KCNK17: variants seen among roughly 807,000 people sequenced by gnomAD.
KCNK17 encodes the protein potassium channel subfamily K member 17.
KCNK17 carries 27 observed loss-of-function variants against 24.6 expected under a neutral mutation model. That is an observed-to-expected ratio of 1.10 (90% confidence interval 0.81 to 1.51). The LOEUF (loss-of-function observed/expected upper bound fraction) is 1.51, where lower values mean the gene tolerates loss of function less well. Ranked by LOEUF, KCNK17 falls within the 40% of genes most tolerant of loss-of-function variation. The pLI is 0.00. For synonymous variants in KCNK17, 181 were observed against 189.8 expected, an observed-to-expected ratio of 0.95 and a Z score of 0.38; for missense variants, 450 against 436.6, an observed-to-expected ratio of 1.03 and a Z score of -0.27.
At chr6:39,311,293 A>G (rs527880847) in intron 1 of KCNK17, among the ~76,000 whole-genome samples, 1 of 152,244 alleles carries the variant, frequency 6.6e-6, no homozygotes, top group South Asian at 2.1e-4. Flanking sequence ...GAGTCCTAGT[A>G]AACCAGCGAC....
chr6:39,308,341 A>C lies in KCNK17; in HGVS notation c.352+2552T>G, dbSNP rs140900882. Among the ~76,000 whole-genome samples, 359 of 152,354 alleles carry C rather than the reference A, an allele frequency of 2.4e-3. 4 individuals are homozygous for C. Among genetic ancestry groups the C allele is most frequent in the African/African-American group, 8.0e-3 (331 of 41,590 alleles). ...AGTCTTGCTCTATTGCCTAGGCTGA[A>C]GTGCAGTGGCACAATCTCGGCTCAC... is the stretch of plus-strand genomic sequence containing the variant. On this transcript the variant is annotated intron_variant, in intron 2 of 4. Coordinates refer to ENST00000373231, the MANE Select transcript of KCNK17 (RefSeq NM_031460.4).
At chr6:39,312,470 G>A (rs75681028) in intron 1 of KCNK17, among the ~76,000 whole-genome samples, 2,749 of 152,278 alleles carry the variant, frequency 0.018, 73 homozygotes, top group African/African-American at 0.057. Context: ...TCCACACTGA[G>A]GCAGTATTTA....
chr6:39,304,223 G>A (rs2113836081), intron 3 of KCNK17, 92 bp from the exon 4 acceptor site: 1 of 1,220,476 alleles, frequency 8.2e-7, no homozygotes, highest in Non-Finnish European at 1.1e-6. Flanking sequence ...GCTGTCCCCA[G>A]TAAGAAGGGG....
chr6:39,307,529 C>T (rs1158554612), intron 2 of KCNK17, among the ~76,000 whole-genome samples: 2 of 152,192 alleles, frequency 1.3e-5, no homozygotes, highest in African/African-American at 2.4e-5. Flanking sequence ...TTTTCTTCCC[C>T]ATTCAGTTTT....
chr6:39,311,101 C>G (rs751564881), intron 1 of KCNK17, 94 bp from the exon 2 acceptor site: 1 of 562,596 alleles, frequency 1.8e-6, no homozygotes, highest in East Asian at 3.0e-5. Context: ...CACACACACA[C>G]ACACACACAC....
chr6:39,310,484 TAA>T (rs959196788), intron 2 of KCNK17, among the ~76,000 whole-genome samples: 4 of 152,062 alleles, frequency 2.6e-5, no homozygotes, highest in Admixed American at 6.5e-5. Context: ...TCTTCCTTCC[TAA>T]CTTTCCCTCC....
Position 39,299,510 on chromosome 6 carries a change from C to G in KCNK17, c.916G>C (p.Gly306Arg). ...CCCATGGGTCCCTCTGGATAGCATC[C>G]TTGCTGTGGGGAGTGGGACTCTGGC... ...REPESHSPQQ[G>R]CYPEGPMGII... Residue 306 changes from glycine to arginine, a missense_variant, in exon 5 of 5, where the codon GGA becomes CGA. Gly to Arg is a moderately radical substitution (Grantham distance 125, BLOSUM62 -2). Coordinates refer to ENST00000373231, the MANE Select transcript of KCNK17 (RefSeq NM_031460.4). 1 of 1,614,218 alleles carries G rather than the reference C, an allele frequency of 6.2e-7. No individual in the cohort carries two copies.
chr6:39,302,177 A>C (rs1761961036), intron 4 of KCNK17, among the ~76,000 whole-genome samples: 1 of 152,180 alleles, frequency 6.6e-6, no homozygotes, highest in South Asian at 2.1e-4. Flanking sequence ...AAGTCTCCAT[A>C]GATGTGGTGA....
chr6:39,306,410 T>C (rs1173081147), intron 2 of KCNK17, among the ~76,000 whole-genome samples: 3 of 152,362 alleles, frequency 2.0e-5, no homozygotes, highest in African/African-American at 4.8e-5. Flanking sequence ...ATAGGTGCTC[T>C]TCACTACATA....
At chr6:39,313,960 G>A (rs537003742) in intron 1 of KCNK17, 124 bp downstream of exon 1, 1 of 724,128 alleles carries the variant, frequency 1.4e-6, no homozygotes, top group Non-Finnish European at 2.1e-6. Context: ...CTGCGTTCCC[G>A]ACGTTTCCCT....
chr6:39,304,021 G>A lies in KCNK17; in HGVS notation c.624C>T (p.Tyr208=). Residue 208 remains tyrosine (Y), a synonymous_variant, in exon 4 of 5, where the codon TAC becomes TAT. Coordinates refer to ENST00000373231, the MANE Select transcript of KCNK17 (RefSeq NM_031460.4). ...TGAAGGCGAAGTAGAAGCCCTCTGT[G>A]TAGCTCCAGCCCTCCATGTGGGAGA... The part of the protein sequence containing the change: ...LLFSHMEGWS[Y]TEGFYFAFIT... 1 of 1,613,958 alleles carries A rather than the reference G, an allele frequency of 6.2e-7. No individual in the cohort carries two copies. The highest frequency in any genetic ancestry group is 8.5e-7 in the Non-Finnish European group (1 of 1,180,020).
intron 4 of KCNK17, among the ~76,000 whole-genome samples, chr6:39,301,703 T>C (rs1249455067): frequency 6.6e-6 from 1 of 152,172 alleles, no homozygotes. Context: ...GCAAATGCAA[T>C]TGGGAGGCGC....
At chr6:39,313,016 T>C (rs1321586960) in intron 1 of KCNK17, among the ~76,000 whole-genome samples, 2 of 152,172 alleles carry the variant, frequency 1.3e-5, no homozygotes, top group African/African-American at 2.4e-5. Flanking sequence ...CTTCCGGGGA[T>C]TGGCTTTGGA....
At chr6:39,303,882 C>T in intron 4 of KCNK17, 75 bp downstream of exon 4, 2 of 1,518,604 alleles carry the variant, frequency 1.3e-6, no homozygotes, top group African/African-American at 2.7e-5. Flanking sequence ...GCAGGTGCGC[C>T]AGCTGCGGGA....
intron 1 of KCNK17, among the ~76,000 whole-genome samples, chr6:39,312,556 C>T (rs550350675): frequency 1.2e-3 from 180 of 152,262 alleles, no homozygotes; most frequent in African/African-American, 4.0e-3. Context: ...GTTTCTTCAC[C>T]TCTGAAACAG....
chr6:39,314,391 C>T lies in KCNK17; in HGVS notation c.-71G>A, dbSNP rs77147819. ...CCGGTGGGAGGGAAGGGCCAGGCGT[C>T]CAGCTCGTATCTCCTCTCGCAAACG... On this transcript the variant is annotated 5_prime_UTR_variant, in exon 1 of 5. Coordinates refer to ENST00000373231, the MANE Select transcript of KCNK17 (RefSeq NM_031460.4). The T allele has an allele frequency of 9.2e-4, 1,042 of 1,133,002 alleles. 5 individuals carry two copies. In the African/African-American group the frequency reaches 0.014, roughly 16 times the overall value. 70.2% of individuals were successfully genotyped at this position (1,133,002 alleles called of 1,614,324 possible). A position where few individuals can be genotyped will look rare whatever the true frequency, so the allele number is the denominator to read the frequency against.
In KCNK17 at chr6:39,299,279, G is replaced by A. The variant is rs1562079160; in HGVS notation, c.*148C>T. On this transcript the variant is annotated 3_prime_UTR_variant, in exon 5 of 5. Coordinates refer to ENST00000373231, the MANE Select transcript of KCNK17 (RefSeq NM_031460.4). ...CCCATGTCACCCAGGACATGTCTCTGTATACCCTATTGGGCAGAATTAATC... is the reference window on the plus strand; with the variant it reads ...CCCATGTCACCCAGGACATGTCTCTATATACCCTATTGGGCAGAATTAATC... 1.1e-5 allele frequency: 7 copies of A among 641,486 alleles called. No homozygotes were observed. Among genetic ancestry groups the A allele is most frequent in the Non-Finnish European group, 2.7e-6 (1 of 371,900 alleles). The allele number at this position is 641,486 out of a possible 1,614,324, so 39.7% of individuals were successfully genotyped here.
In KCNK17 at chr6:39,305,137, C is replaced by A. The variant is rs73731785; in HGVS notation, c.353-482G>T. Among the ~76,000 whole-genome samples, 746 of 152,326 alleles carry A rather than the reference C, an allele frequency of 4.9e-3. 7 individuals are homozygous for A. The highest frequency in any genetic ancestry group is 0.017 in the African/African-American group (701 of 41,568). ...ACAGTGGGGCACTGAAGCTGGCCAT[C>A]CCTGCCCAGTGTGGCACTCCTCTTT... On this transcript the variant is annotated intron_variant, in intron 2 of 4. Transcript: ENST00000373231.
Position 39,299,827 on chromosome 6 carries a change from T to C in KCNK17, c.689-90A>G, listed in dbSNP as rs1761920296. 53 of 1,371,544 alleles carry C rather than the reference T, an allele frequency of 3.9e-5. No individual in the cohort carries two copies. In the South Asian group the frequency reaches 5.3e-4, roughly 14 times the overall value. The allele number at this position is 1,371,544 out of a possible 1,614,324, so 85.0% of individuals were successfully genotyped here. On this transcript the variant is annotated intron_variant, in intron 4 of 4. Coordinates refer to ENST00000373231, the MANE Select transcript of KCNK17 (RefSeq NM_031460.4). ...AAACAGAGATACATGGTTTGATTCATATAAGCAAGTTGAGGTGCCAATGGG... is the reference window on the plus strand; with the variant it reads ...AAACAGAGATACATGGTTTGATTCACATAAGCAAGTTGAGGTGCCAATGGG...
Sources: gnomAD v4.1 joint callset for allele counts (sites outside exome capture counted in the v4.1 genomes callset) on GRCh38, gnomAD v4.1.1 for gene constraint, MANE v1.5 for transcripts, NCBI Gene and HGNC (gene_info 2026-07-23, HGNC 2026-07-21) for gene names.